Variants in HDX observed in about 807,000 individuals in gnomAD.
HDX encodes the protein chromosome X open reading frame 43.
HDX carries 19 observed loss-of-function variants against 45.2 expected under a neutral mutation model. The observed-to-expected ratio is 0.42, with a 90% CI of 0.29 to 0.62. The LOEUF (loss-of-function observed/expected upper bound fraction) is 0.62, where lower values mean the gene tolerates loss of function less well. Ranked by LOEUF, HDX falls within the 20% of genes least tolerant of loss-of-function variation. The pLI, the probability that HDX is intolerant of heterozygous loss-of-function variation, is 0.20. For missense variants in HDX, 532 were observed against 493.9 expected, an observed-to-expected ratio of 1.08 and a Z score of -0.73; for synonymous variants, 188 against 172.8, an observed-to-expected ratio of 1.09 and a Z score of -0.69.
chrX:84,367,812 G>C (rs1251665843), intron 5 of HDX, among the ~76,000 whole-genome samples: 3 of 111,423 alleles, frequency 2.7e-5, no homozygotes, highest in Non-Finnish European at 5.6e-5. Context: ...GAGAACACAT[G>C]GACACAGGGA....
intron 4 of HDX, among the ~76,000 whole-genome samples, chrX:84,451,022 G>C (rs185279908): frequency 9.0e-6 from 1 of 111,314 alleles, no homozygotes; most frequent in African/African-American, 3.3e-5. Context: ...ACCAAATATA[G>C]GTACAGCAAA....
intron 4 of HDX, among the ~76,000 whole-genome samples, chrX:84,447,398 C>T (rs553615273): frequency 1.8e-5 from 2 of 111,568 alleles, no homozygotes; most frequent in East Asian, 2.9e-4. Flanking sequence ...GAGCTAAGAG[C>T]CTAGAGAGGT....
chrX:84,488,616 A>G (rs1278639106), intron 1 of HDX, among the ~76,000 whole-genome samples: 3 of 111,159 alleles, frequency 2.7e-5, no homozygotes, highest in African/African-American at 9.8e-5. Flanking sequence ...AGTTGCCACT[A>G]TACTTCCATT....
chrX:84,431,746 G>A (rs1298729476), intron 5 of HDX, among the ~76,000 whole-genome samples: 3 of 110,826 alleles, frequency 2.7e-5, no homozygotes, highest in African/African-American at 9.8e-5. Context: ...GATCTCTGTT[G>A]GATACATAGT....
At chrX:84,443,692 G>C (rs768844105) in intron 4 of HDX, among the ~76,000 whole-genome samples, 29 of 111,695 alleles carry the variant, frequency 2.6e-4, no homozygotes, top group African/African-American at 9.4e-4. Flanking sequence ...AATAAATTCT[G>C]GCTATTTTTT....
intron 5 of HDX, among the ~76,000 whole-genome samples, chrX:84,404,674 A>C (rs1392132534): frequency 9.0e-6 from 1 of 111,499 alleles, no homozygotes; most frequent in Non-Finnish European, 1.9e-5. Context: ...AAAAGGAGAA[A>C]GCAGGGGGTG....
At chrX:84,482,357 A>T (rs971341142) in intron 2 of HDX, among the ~76,000 whole-genome samples, 3 of 111,688 alleles carry the variant, frequency 2.7e-5, no homozygotes, top group Non-Finnish European at 3.8e-5. Flanking sequence ...CTGGGAACTT[A>T]TAGAAGAAAG....
intron 7 of HDX, among the ~76,000 whole-genome samples, chrX:84,341,777 T>C (rs2037092327): frequency 9.3e-6 from 1 of 107,647 alleles, no homozygotes. Flanking sequence ...TGGAGTACAG[T>C]GGCTATTCAC....
At position 84,320,617 on chromosome X, in the gene HDX, A is replaced by G. The variant is rs1416934526; in HGVS notation, c.*1272T>C. 9.0e-6 allele frequency: 1 copy of G among 111,282 alleles called. No individual in the cohort carries two copies. Among genetic ancestry groups the G allele is most frequent in the Non-Finnish European group, 1.9e-5 (1 of 52,535 alleles). The allele number at this position is 111,282 out of a possible 1,213,427, so 9.2% of individuals were successfully genotyped here. A position where few individuals can be genotyped will look rare whatever the true frequency, so the allele number is the denominator to read the frequency against. ...CAGCTACTTCATTAATCTTTTAGGT[A>G]TAGATAGTAATTTAACCATGCAACA... is the stretch of plus-strand genomic sequence containing the variant. On this transcript the variant is annotated 3_prime_UTR_variant, in exon 11 of 11. Transcript: ENST00000373177.
chrX:84,459,232 G>A (rs140673473), intron 4 of HDX, among the ~76,000 whole-genome samples: 1,694 of 111,012 alleles, frequency 0.015, 41 homozygotes, highest in African/African-American at 0.053. Context: ...CACGAGATCA[G>A]GAGATCAAGA....
intron 7 of HDX, among the ~76,000 whole-genome samples, chrX:84,341,710 TA>T: frequency 9.3e-6 from 1 of 107,304 alleles, no homozygotes; most frequent in African/African-American, 3.5e-5. Context: ...GAAATCTCCT[TA>T]TTTGTTTTTT....
At chrX:84,462,748 A>AT (rs1322425658) in intron 4 of HDX, among the ~76,000 whole-genome samples, 1 of 111,503 alleles carries the variant, frequency 9.0e-6, no homozygotes, top group Non-Finnish European at 1.9e-5. Flanking sequence ...AATTAATGAA[A>AT]TAGAAATTTT....
At chrX:84,448,708 G>A (rs1399025752) in intron 4 of HDX, among the ~76,000 whole-genome samples, 1 of 110,818 alleles carries the variant, frequency 9.0e-6, no homozygotes, top group Non-Finnish European at 1.9e-5. Flanking sequence ...CAGATGCTCA[G>A]ATGTCAATGA....
chrX:84,448,747 TATG>T (rs1198632806), intron 4 of HDX, among the ~76,000 whole-genome samples: 2 of 110,819 alleles, frequency 1.8e-5, no homozygotes, highest in Non-Finnish European at 3.8e-5. Context: ...GACAAGGAAA[TATG>T]ATACCTCTAA....
chrX:84,350,733 T>C (rs958814242), intron 6 of HDX, among the ~76,000 whole-genome samples: 3 of 112,072 alleles, frequency 2.7e-5, no homozygotes, highest in Non-Finnish European at 5.6e-5. Context: ...TTTTAATTTA[T>C]TGTAGACAAC....
chrX:84,375,288 C>A (rs1047855597), intron 5 of HDX, among the ~76,000 whole-genome samples: 3 of 111,192 alleles, frequency 2.7e-5, no homozygotes, highest in African/African-American at 9.9e-5. Flanking sequence ...CACTTTTACA[C>A]TGCTGGTGGG....
chrX:84,483,123 G>A (rs1249455468), intron 2 of HDX, among the ~76,000 whole-genome samples: 1 of 111,138 alleles, frequency 9.0e-6, no homozygotes, highest in Admixed American at 9.5e-5. Context: ...CCCCTCAGCT[G>A]ATTTCACAGA....
chrX:84,402,108 C>T (rs779779328), intron 5 of HDX, among the ~76,000 whole-genome samples: 3 of 111,133 alleles, frequency 2.7e-5, no homozygotes, highest in East Asian at 2.8e-4. Context: ...GGCTTAAAAC[C>T]GAGATGATGG....
At chrX:84,334,314 T>A (rs1441948806) in intron 8 of HDX, among the ~76,000 whole-genome samples, 1 of 110,891 alleles carries the variant, frequency 9.0e-6, no homozygotes, top group Non-Finnish European at 1.9e-5. Flanking sequence ...CAATATTTAC[T>A]GCACACTGCA....
Sources: gnomAD v4.1 joint callset for allele counts (sites outside exome capture counted in the v4.1 genomes callset) on GRCh38, gnomAD v4.1.1 for gene constraint, MANE v1.5 for transcripts, NCBI Gene and HGNC (gene_info 2026-07-23, HGNC 2026-07-21) for gene names.